HPSE2: variants seen among roughly 807,000 people sequenced by gnomAD.
The protein encoded by HPSE2 is heparanase 2 (inactive).
A neutral mutation model predicts 60.5 loss-of-function variants in HPSE2; 38 were observed. The ratio of observed to expected loss-of-function variants is 0.63; its 90% confidence interval spans 0.48 to 0.82. The LOEUF is 0.82. Ranked by LOEUF, HPSE2 falls within the 40% of genes least tolerant of loss-of-function variation. The probability of loss-of-function intolerance (pLI) is 0.00; values close to 1 mark genes in which losing one functional copy is unlikely to be tolerated. For synonymous variants in HPSE2, 295 were observed against 293.2 expected (o/e 1.01, Z -0.06); for missense variants, 713 against 740.4 (o/e 0.96, Z 0.43).
chr10:98,661,757 C>A (rs1266151530), intron 6 of HPSE2, among the ~76,000 whole-genome samples: 3 of 152,132 alleles, frequency 2.0e-5, no homozygotes, highest in Non-Finnish European at 2.9e-5. Flanking sequence ...GTTGCTATTA[C>A]AGACAAAGGT....
the HPSE2 span, among the ~76,000 whole-genome samples, chr10:99,282,073 C>A: frequency 5.9e-5 from 9 of 152,166 alleles, no homozygotes; most frequent in African/African-American, 1.9e-4. Context: ...TCCTGGCTAA[C>A]AAGGTGAAAC....
intron 3 of HPSE2, among the ~76,000 whole-genome samples, chr10:98,817,111 C>T (rs1171976724): frequency 2.6e-5 from 4 of 151,982 alleles, no homozygotes; most frequent in East Asian, 1.9e-4. Flanking sequence ...AATTTGGGGA[C>T]GTTGTTCCAT....
At chr10:99,006,004 T>C (rs1956883462) in intron 3 of HPSE2, among the ~76,000 whole-genome samples, 1 of 152,070 alleles carries the variant, frequency 6.6e-6, no homozygotes, top group South Asian at 2.1e-4. Flanking sequence ...GTGGACCTGT[T>C]GATTGGTTCC....
chr10:98,664,356 C>T (rs1947305090), intron 6 of HPSE2, among the ~76,000 whole-genome samples: 1 of 152,070 alleles, frequency 6.6e-6, no homozygotes, highest in African/African-American at 2.4e-5. Flanking sequence ...GGTTTGTGGG[C>T]TGGCAGGGAA....
intron 9 of HPSE2, among the ~76,000 whole-genome samples, chr10:98,529,524 T>C (rs1331355681): frequency 6.6e-6 from 1 of 152,212 alleles, no homozygotes; most frequent in African/African-American, 2.4e-5. Flanking sequence ...CACTTTAACA[T>C]GATCTCAAAC....
intron 9 of HPSE2, among the ~76,000 whole-genome samples, chr10:98,558,275 A>G (rs1944071907): frequency 6.6e-6 from 1 of 152,228 alleles, no homozygotes; most frequent in South Asian, 2.1e-4. Context: ...TATACATCCA[A>G]TAGAAATGTA....
rs940427607 is a variant in HPSE2 at position 99,149,533 on chromosome 10, T to C, written c.449-5134A>G. On this transcript the variant is annotated intron_variant, in intron 2 of 11. Coordinates refer to ENST00000370552, the MANE Select transcript of HPSE2 (RefSeq NM_021828.5). ...CTAATAAAGAAGGGAATTTCCTTTT[T>C]TAGAAACATGAAAATACCAATAGCT... 2.0e-5 allele frequency among the ~76,000 whole-genome samples: 3 copies of C among 152,306 alleles called. No homozygotes were observed. The East Asian group carries it at 5.8e-4, about 29-fold the overall frequency.
intron 4 of HPSE2, among the ~76,000 whole-genome samples, chr10:98,722,064 G>C (rs1266461637): frequency 1.3e-5 from 2 of 151,398 alleles, no homozygotes; most frequent in Non-Finnish European, 2.9e-5. Flanking sequence ...ATCAACACCG[G>C]AGACCATACA....
chr10:99,160,487 G>A (rs888858502), intron 2 of HPSE2, among the ~76,000 whole-genome samples: 7 of 152,142 alleles, frequency 4.6e-5, no homozygotes, highest in Non-Finnish European at 7.3e-5. Context: ...AATGTAAAAC[G>A]CTACAGCCTC....
chr10:99,076,947 T>A (rs1184439804), intron 3 of HPSE2, among the ~76,000 whole-genome samples: 6 of 152,208 alleles, frequency 3.9e-5, no homozygotes, highest in Admixed American at 3.3e-4. Flanking sequence ...AGTCTTTATC[T>A]CCATCATTAT....
At chr10:99,298,680 T>G in the HPSE2 span, among the ~76,000 whole-genome samples, 9 of 133,276 alleles carry the variant, frequency 6.8e-5, no homozygotes, top group African/African-American at 2.2e-4. Flanking sequence ...TTTTTTTTTT[T>G]CTTTTTTTTT....
chr10:98,960,881 T>C, intron 3 of HPSE2, among the ~76,000 whole-genome samples: 2 of 112,854 alleles, frequency 1.8e-5, no homozygotes, highest in Admixed American at 9.4e-5. Flanking sequence ...CCCAATGCTA[T>C]CCCTCCCCCC....
intron 3 of HPSE2, among the ~76,000 whole-genome samples, chr10:98,797,708 G>T (rs1950809457): frequency 6.6e-6 from 1 of 152,006 alleles, no homozygotes. Context: ...GCCGAGCGTG[G>T]TGGTGGGCGT....
intron 9 of HPSE2, among the ~76,000 whole-genome samples, chr10:98,550,721 G>A (rs1013673902): frequency 2.6e-5 from 4 of 151,858 alleles, no homozygotes; most frequent in African/African-American, 4.8e-5. Flanking sequence ...TGATATGCCC[G>A]CCTCGGCCTC....
chr10:98,566,113 C>T (rs1450143615), intron 9 of HPSE2, among the ~76,000 whole-genome samples: 2 of 152,302 alleles, frequency 1.3e-5, no homozygotes, highest in Admixed American at 1.3e-4. Context: ...CAGAACACTT[C>T]AAATGTGTGA....
At chr10:98,967,167 T>C (rs1442875188) in intron 3 of HPSE2, among the ~76,000 whole-genome samples, 5 of 152,290 alleles carry the variant, frequency 3.3e-5, no homozygotes, top group Middle Eastern at 3.4e-3. Flanking sequence ...CTCAAAAAGC[T>C]GATATAGATA....
upstream of HPSE2, among the ~76,000 whole-genome samples, chr10:99,237,733 G>C (rs1849896834): frequency 6.6e-6 from 1 of 152,192 alleles, no homozygotes; most frequent in South Asian, 2.1e-4. Flanking sequence ...TTTAAACTGT[G>C]TGTGTGTGTC....
chr10:99,019,573 A>C (rs1182782528), intron 3 of HPSE2, among the ~76,000 whole-genome samples: 1 of 152,218 alleles, frequency 6.6e-6, no homozygotes, highest in Non-Finnish European at 1.5e-5. Context: ...GGCTTTGCCA[A>C]ATACACTCTT....
intron 3 of HPSE2, among the ~76,000 whole-genome samples, chr10:98,795,046 A>AGGAAGGAAGGAAGGAAGGAG (rs1950746671): frequency 6.8e-6 from 1 of 147,958 alleles, no homozygotes; most frequent in Non-Finnish European, 1.5e-5. Context: ...GAAGGAAGGA[A>AGGAAGGAAGGAAGGAAGGAG]GGAAGGAAGG....
Sources: allele counts gnomAD v4.1 joint callset (sites outside exome capture counted in the v4.1 genomes callset), GRCh38; gene constraint gnomAD v4.1.1; transcripts MANE v1.5; gene names NCBI Gene and HGNC (gene_info 2026-07-23, HGNC 2026-07-21).